Variants in OPHN1 observed in about 807,000 individuals in gnomAD.
The protein encoded by OPHN1 is oligophrenin-1.
Under a neutral mutation model 60.7 loss-of-function variants are expected in OPHN1, and 11 were observed. That is an observed-to-expected ratio of 0.18 (90% confidence interval 0.11 to 0.30). The LOEUF (loss-of-function observed/expected upper bound fraction) is 0.30. Ranked by LOEUF, OPHN1 falls within the 10% of genes least tolerant of loss-of-function variation. The probability of loss-of-function intolerance (pLI) is 1.00; values close to 1 mark genes in which losing one functional copy is unlikely to be tolerated. For synonymous variants in OPHN1, 226 were observed against 222.6 expected (o/e 1.02, Z -0.14); for missense variants, 449 against 611.0 (o/e 0.73, Z 2.80).
intron 3 of OPHN1, among the ~76,000 whole-genome samples, chrX:68,284,617 T>C (rs1032828380): frequency 9.0e-6 from 1 of 111,651 alleles, no homozygotes; most frequent in Non-Finnish European, 1.9e-5. Context: ...ATTCACAAAG[T>C]TGTGCAACTA....
chrX:68,095,335 T>C (rs1193129349), intron 19 of OPHN1, among the ~76,000 whole-genome samples: 1 of 111,852 alleles, frequency 8.9e-6, no homozygotes, highest in Non-Finnish European at 1.9e-5. Flanking sequence ...CTAGAACACA[T>C]CTACAACCAT....
At chrX:68,363,444 G>A (rs968060887) in intron 2 of OPHN1, among the ~76,000 whole-genome samples, 10 of 109,705 alleles carry the variant, frequency 9.1e-5, no homozygotes, top group Non-Finnish European at 1.9e-4. Context: ...CAAGTATCTG[G>A]GATTACAGGC....
chrX:68,410,574 T>G (rs1373669457), intron 2 of OPHN1, among the ~76,000 whole-genome samples: 1 of 107,357 alleles, frequency 9.3e-6, no homozygotes, highest in Non-Finnish European at 1.9e-5. Context: ...AAAAAAAAAG[T>G]GGAAGAACAA....
chrX:68,370,011 A>AATATATATATATATATATAT (rs761607454), intron 2 of OPHN1, among the ~76,000 whole-genome samples: 56 of 64,326 alleles, frequency 8.7e-4, no homozygotes, highest in African/African-American at 2.8e-3. Context: ...AAATTGCTGA[A>AATATATATATATATATATAT]ATATATATAT....
intron 5 of OPHN1, among the ~76,000 whole-genome samples, chrX:68,250,429 G>A (rs2077827861): frequency 9.0e-6 from 1 of 111,457 alleles, no homozygotes; most frequent in Non-Finnish European, 1.9e-5. Context: ...AGGCTCAGAG[G>A]AGTGAAGTAC....
rs997529337 is a variant in OPHN1, at chrX:68,157,376, C to T, written c.1276+35543G>A. 8.0e-5 allele frequency among the ~76,000 whole-genome samples: 9 copies of T among 112,146 alleles called. No homozygotes were observed. In the East Asian group the frequency reaches 1.1e-3, roughly 14 times the overall value. On this transcript the variant is annotated intron_variant, in intron 15 of 24. Coordinates refer to ENST00000355520, the MANE Select transcript of OPHN1 (RefSeq NM_002547.3). ...GGATAAAGAAACTGTAGTACATATA[C>T]ACCATGGAATACTATGCAGCCATAA...
intron 21 of OPHN1, among the ~76,000 whole-genome samples, chrX:68,061,815 T>A (rs1426630424): frequency 9.0e-6 from 1 of 111,088 alleles, no homozygotes; most frequent in Non-Finnish European, 1.9e-5. Context: ...CAACTACTTG[T>A]GGAAATTGTA....
At chrX:68,263,383 C>A (rs2077904268) in intron 5 of OPHN1, among the ~76,000 whole-genome samples, 1 of 111,653 alleles carries the variant, frequency 9.0e-6, no homozygotes, top group African/African-American at 3.3e-5. Context: ...GTTCCTGCCT[C>A]ATTCATTAAC....
chrX:68,427,089 TA>T (rs11446400), intron 2 of OPHN1, among the ~76,000 whole-genome samples: 58 of 72,702 alleles, frequency 8.0e-4, no homozygotes, highest in African/African-American at 2.5e-3. Context: ...CCATCTCTAC[TA>T]AAAAAAAAAA....
chrX:68,336,671 A>T (rs200130412), intron 2 of OPHN1, among the ~76,000 whole-genome samples: 50 of 84,422 alleles, frequency 5.9e-4, no homozygotes, highest in Non-Finnish European at 7.7e-4. Flanking sequence ...TGTGTGTGTG[A>T]GAGTGTGTGT....
intron 2 of OPHN1, among the ~76,000 whole-genome samples, chrX:68,395,082 A>G (rs979157411): frequency 9.1e-6 from 1 of 110,136 alleles, no homozygotes; most frequent in Non-Finnish European, 1.9e-5. Flanking sequence ...CAGCCTCCTG[A>G]GTAGCTGGGA....
chrX:68,062,799 T>G (rs1343009403), intron 21 of OPHN1, among the ~76,000 whole-genome samples: 1 of 112,430 alleles, frequency 8.9e-6, no homozygotes, highest in Non-Finnish European at 1.9e-5. Context: ...ATTTTGTCCA[T>G]TATATCTTAC....
chrX:68,324,897 A>C (rs2078253163), intron 2 of OPHN1, among the ~76,000 whole-genome samples: 1 of 108,379 alleles, frequency 9.2e-6, no homozygotes, highest in Admixed American at 9.9e-5. Flanking sequence ...AAAAAAAAAA[A>C]AAAATTTGAT....
intron 2 of OPHN1, among the ~76,000 whole-genome samples, chrX:68,312,925 G>T (rs1421061282): frequency 9.0e-6 from 1 of 111,087 alleles, no homozygotes; most frequent in East Asian, 2.8e-4. Context: ...GGGCAACAGA[G>T]TGAGACTCAT....
chrX:68,295,945 T>C (rs779967406), intron 3 of OPHN1, among the ~76,000 whole-genome samples: 1 of 111,634 alleles, frequency 9.0e-6, no homozygotes, highest in African/African-American at 3.3e-5. Context: ...TTTAAGCAAT[T>C]TTTTTTTCCA....
intron 2 of OPHN1, among the ~76,000 whole-genome samples, chrX:68,324,441 A>G (rs2078249367): frequency 1.0e-5 from 1 of 99,935 alleles, no homozygotes; most frequent in Non-Finnish European, 1.9e-5. Flanking sequence ...CGTCTCTACA[A>G]AAATTAAAAA....
intron 15 of OPHN1, among the ~76,000 whole-genome samples, chrX:68,135,399 CAA>C (rs2077215189): frequency 9.0e-6 from 1 of 111,133 alleles, no homozygotes; most frequent in African/African-American, 3.3e-5. Flanking sequence ...ATGATGAGAC[CAA>C]GAGAGAGAAT....
intron 5 of OPHN1, among the ~76,000 whole-genome samples, chrX:68,252,118 G>T (rs949735374): frequency 9.0e-6 from 1 of 111,314 alleles, no homozygotes; most frequent in African/African-American, 3.3e-5. Flanking sequence ...TGCCTCAGGT[G>T]ACCCTCTGAT....
At chrX:68,362,475 C>T (rs2078477971) in intron 2 of OPHN1, among the ~76,000 whole-genome samples, 1 of 111,759 alleles carries the variant, frequency 8.9e-6, no homozygotes, top group African/African-American at 3.2e-5. Context: ...ATAACAATGT[C>T]TTGTATACAT....
Sources: allele counts gnomAD v4.1 joint callset (sites outside exome capture counted in the v4.1 genomes callset), GRCh38; gene constraint gnomAD v4.1.1; transcripts MANE v1.5; gene names NCBI Gene and HGNC (gene_info 2026-07-23, HGNC 2026-07-21).